The following PBRM1 variants were observed in gnomAD, a reference collection of about 807,000 sequenced individuals.
The protein encoded by PBRM1 is polybromo 1, also known as protein polybromo-1.
PBRM1 carries 27 observed loss-of-function variants against 194.5 expected under a neutral mutation model. That is an observed-to-expected ratio of 0.14 (90% confidence interval 0.10 to 0.19). PBRM1 has a LOEUF of 0.19. Ranked by LOEUF, PBRM1 falls within the 10% of genes least tolerant of loss-of-function variation. The probability of loss-of-function intolerance (pLI) is 1.00; values close to 1 mark genes in which losing one functional copy is unlikely to be tolerated. For synonymous variants in PBRM1, 655 were observed against 693.2 expected (o/e 0.94, Z 0.87); for missense variants, 1,466 against 2,077.2 (o/e 0.71, Z 5.72).
chr3:52,553,639 G>A (rs2081515092), intron 27 of PBRM1, among the ~76,000 whole-genome samples: 1 of 148,528 alleles, frequency 6.7e-6, no homozygotes, highest in African/African-American at 2.5e-5. Flanking sequence ...ACAGGCACAT[G>A]CCACCACACC....
chr3:52,676,330 G>C (rs1336387481), intron 2 of PBRM1, among the ~76,000 whole-genome samples: 1 of 152,222 alleles, frequency 6.6e-6, no homozygotes, highest in South Asian at 2.1e-4. Context: ...CACATGTTGT[G>C]GGAGGGACCC....
chr3:52,554,842 C>A (rs2153430478), exon 27 of PBRM1: 2 of 1,606,180 alleles, frequency 1.2e-6, no homozygotes, highest in Non-Finnish European at 1.7e-6. Context: ...CTGGGCCCTG[C>A]AAAGGTGGAA....
At chr3:52,595,562 C>T (rs2093465514) in intron 17 of PBRM1, among the ~76,000 whole-genome samples, 1 of 152,220 alleles carries the variant, frequency 6.6e-6, no homozygotes, top group South Asian at 2.1e-4. Flanking sequence ...GTTCCTCATA[C>T]ATTCTGGTAA....
chr3:52,633,707 A>T (rs1196668756), intron 11 of PBRM1, among the ~76,000 whole-genome samples: 1 of 152,192 alleles, frequency 6.6e-6, no homozygotes, highest in Non-Finnish European at 1.5e-5. Context: ...CATCCTAATG[A>T]GTGCAAAGTG....
intron 5 of PBRM1, among the ~76,000 whole-genome samples, chr3:52,653,307 C>T (rs939145764): frequency 1.3e-5 from 2 of 151,892 alleles, no homozygotes; most frequent in African/African-American, 2.4e-5. Context: ...AAATGAAGCA[C>T]GGCTGGGCAT....
At chr3:52,577,522 A>T (rs1396028266) in intron 21 of PBRM1, among the ~76,000 whole-genome samples, 1 of 151,926 alleles carries the variant, frequency 6.6e-6, no homozygotes, top group Non-Finnish European at 1.5e-5. Context: ...TAACCCATAA[A>T]GCTGACATTA....
intron 22 of PBRM1, among the ~76,000 whole-genome samples, chr3:52,567,565 C>CAAAAAAAAAAAAAAAAAAAAAAAA (rs10644120): frequency 8.7e-5 from 8 of 91,622 alleles, no homozygotes; most frequent in Non-Finnish European, 1.3e-4. Context: ...TAGGTAATCT[C>CAAAAAAAAAAAAAAAAAAAAAAAA]AAAAAAAAAA....
intron 14 of PBRM1, among the ~76,000 whole-genome samples, chr3:52,616,791 T>G (rs1372766225): frequency 6.6e-6 from 1 of 152,236 alleles, no homozygotes; most frequent in Non-Finnish European, 1.5e-5. Flanking sequence ...AATTATACAT[T>G]TTCTATATAG....
intron 29 of PBRM1, 100 bp from the exon 32 acceptor site, chr3:52,548,335 G>A (rs915115870): frequency 2.9e-6 from 2 of 679,922 alleles, no homozygotes; most frequent in Non-Finnish European, 4.6e-6. Context: ...ACAAAACATT[G>A]AATATTTATT....
chr3:52,618,793 C>T (rs1295189533), intron 13 of PBRM1, among the ~76,000 whole-genome samples: 3 of 151,836 alleles, frequency 2.0e-5, no homozygotes, highest in East Asian at 3.9e-4. Context: ...CTCTTGTTGC[C>T]CAGGCTGGAG....
At chr3:52,578,604 A>C (rs2090303220) in intron 21 of PBRM1, among the ~76,000 whole-genome samples, 1 of 152,200 alleles carries the variant, frequency 6.6e-6, no homozygotes, top group Non-Finnish European at 1.5e-5. Context: ...AGGCCCTACT[A>C]TGTTTCATGC....
At position 52,562,021 on chromosome 3, in the gene PBRM1, G is replaced by A. The variant is rs2083664429; in HGVS notation, c.4087-53C>T. 3.4e-6 allele frequency: 5 copies of A among 1,465,020 alleles called. No individual in the cohort carries two copies. In the Admixed American group the frequency reaches 8.4e-5, roughly 25 times the overall value. The allele number at this position is 1,465,020 out of a possible 1,614,324, so 90.8% of individuals were successfully genotyped here. A position where few individuals can be genotyped will look rare whatever the true frequency, so the allele number is the denominator to read the frequency against. ...ATCAAAACATTACATTTGGTTAACT[G>A]CTCAAAATTTCAGAAGCCAGCCGGG... On this transcript the variant is annotated intron_variant, in intron 24 of 29. Transcript: ENST00000296302.
chr3:52,615,389 G>A (rs1227926175), exon 15 of PBRM1: 1 of 1,612,478 alleles, frequency 6.2e-7, no homozygotes, highest in Non-Finnish European at 8.5e-7. Context: ...ATCATCATCA[G>A]GCAGTGGGCC....
chr3:52,647,939 C>CA (rs1026038294), intron 7 of PBRM1, among the ~76,000 whole-genome samples: 3 of 150,752 alleles, frequency 2.0e-5, no homozygotes, highest in African/African-American at 7.3e-5. Flanking sequence ...CTTTTTGAGA[C>CA]AGAGTCTTGC....
intron 19 of PBRM1, 60 bp from the exon 22 acceptor site, chr3:52,586,748 C>CAAA (rs35352950): frequency 0.021 from 3,786 of 182,304 alleles, 70 homozygotes; most frequent in African/African-American, 0.044. Flanking sequence ...GAAAATCAAT[C>CAAA]AAAAAAAAAA....
chr3:52,597,940 G>A (rs1412768134), intron 17 of PBRM1, among the ~76,000 whole-genome samples: 3 of 152,156 alleles, frequency 2.0e-5, no homozygotes, highest in Non-Finnish European at 4.4e-5. Context: ...CTGACCTCAG[G>A]TGATCTACCC....
intron 15 of PBRM1, among the ~76,000 whole-genome samples, chr3:52,612,259 A>C (rs1474047779): frequency 8.8e-6 from 1 of 114,242 alleles, no homozygotes; most frequent in East Asian, 2.3e-4. Flanking sequence ...ATTCCGTCTC[A>C]AAAAAAAAAA....
At chr3:52,563,345 GAGA>G (rs1559890700) in exon 24 of PBRM1, 1 of 1,614,098 alleles carries the variant, frequency 6.2e-7, no homozygotes, top group Non-Finnish European at 8.5e-7. Context: ...AGCTGAGGTA[GAGA>G]AGGAGGTTCA....
intron 15 of PBRM1, among the ~76,000 whole-genome samples, chr3:52,612,258 CAAAA>C (rs566481465): frequency 1.0e-3 from 25 of 24,012 alleles, no homozygotes; most frequent in African/African-American, 9.5e-4. Context: ...GATTCCGTCT[CAAAA>C]AAAAAAAAAA....
Sources: allele counts gnomAD v4.1 joint callset (sites outside exome capture counted in the v4.1 genomes callset), GRCh38; gene constraint gnomAD v4.1.1; transcripts MANE v1.5; gene names NCBI Gene and HGNC (gene_info 2026-07-23, HGNC 2026-07-21).